C16orf96: variants seen among roughly 807,000 people sequenced by gnomAD.
C16orf96 encodes the protein uncharacterized protein C16orf96.
Under a neutral mutation model 103.6 loss-of-function variants are expected in C16orf96, and 108 were observed. The observed-to-expected ratio is 1.04, with a 90% CI of 0.89 to 1.22. The LOEUF (loss-of-function observed/expected upper bound fraction) is 1.22, where lower values mean the gene tolerates loss of function less well. Ranked by LOEUF, C16orf96 falls within the 50% of genes most tolerant of loss-of-function variation. The pLI is 0.00. For missense variants in C16orf96, 1,586 were observed against 1,464.2 expected (o/e 1.08, Z -1.36); for synonymous variants, 566 against 593.5 (o/e 0.95, Z 0.67).
In C16orf96 at chr16:4,587,105, C is replaced by G. The variant is rs1896944983; in HGVS notation, c.2419C>G (p.Leu807Val). Residue 807 changes from leucine (L) to valine (V), a missense_variant, in exon 8 of 16, where the codon CTG becomes GTG. Leu to Val is a conservative substitution (Grantham distance 32, BLOSUM62 1). Coordinates refer to ENST00000444310, the MANE Select transcript of C16orf96 (RefSeq NM_001145011.2). ...KVNKSTMEEE[L>V]REKADRSALA... is the part of the protein sequence containing the mutation. The stretch of plus-strand genomic sequence containing the variant: ...GAATAAGAGCACGATGGAGGAGGAG[C>G]TGAGAGAGGTGAGTGAGCAGAGGTT... 6.4e-7 allele frequency: 1 copy of G among 1,551,362 alleles called. No homozygotes were observed. Among genetic ancestry groups the G allele is most frequent in the South Asian group, 1.2e-5 (1 of 84,056 alleles).
chr16:4,593,189 C>T lies in C16orf96; in HGVS notation c.2775-35C>T, dbSNP rs774966313. The T allele has an allele frequency of 2.6e-6, 4 of 1,542,696 alleles. No individual in the cohort carries two copies. The South Asian group carries it at 4.8e-5, about 18-fold the overall frequency. On this transcript the variant is annotated intron_variant, in intron 11 of 15. Transcript: ENST00000444310. The surrounding 1 kb of genome is among the most constrained non-coding windows in gnomAD (Gnocchi z 4.2). ...AGCCCTCTGCTGGCCTAGCACGCCT[C>T]CCACAGCCCCTGCTGTGCCCTTGTC...
chr16:4,540,599 C>T, the C16orf96 span, among the ~76,000 whole-genome samples: 5 of 151,888 alleles, frequency 3.3e-5, no homozygotes, highest in South Asian at 2.1e-4. Flanking sequence ...CCGGCATACA[C>T]GCCTGTAATC....
Position 4,576,091 on chromosome 16 carries a change from G to A in C16orf96, c.1611G>A (p.Gly537=), listed in dbSNP as rs994817234. The part of the protein sequence containing the change: ...DVPKDRGGKD[G]DPKDRVGKDG... Reference sequence around the variant, plus strand: ...CCAAAGATAGAGGTGGCAAAGATGGGGACCCCAAGGATAGAGTTGGCAAGG... The same window carrying A: ...CCAAAGATAGAGGTGGCAAAGATGGAGACCCCAAGGATAGAGTTGGCAAGG... Residue 537 remains glycine, a synonymous_variant, in exon 5 of 16, where the codon GGG becomes GGA. Transcript: ENST00000444310. The A allele has an allele frequency of 7.1e-6, 11 of 1,551,398 alleles. No homozygotes were observed. The Admixed American group carries it at 7.8e-5, about 11-fold the overall frequency.
chr16:4,564,055 G>T (rs188495964), intron 1 of C16orf96, among the ~76,000 whole-genome samples: 1 of 151,662 alleles, frequency 6.6e-6, no homozygotes, highest in Non-Finnish European at 1.5e-5. Flanking sequence ...AAAATTAGCT[G>T]CTAGTCGGGA....
Position 4,593,135 on chromosome 16 carries a change from G to A in C16orf96, c.2775-89G>A. ...GAGTCTGCACCTCCTTCCTCCTGCT[G>A]GGAAGGCTTCCTGGAGGGGTGGGAG... On this transcript the variant is annotated intron_variant, in intron 11 of 15. Transcript: ENST00000444310. This position sits in a 1 kb window ranked among gnomAD's most constrained non-coding sequence, Gnocchi z 4.2. 1 of 1,270,244 alleles carries A rather than the reference G, an allele frequency of 7.9e-7. No individual in the cohort carries two copies. Among genetic ancestry groups the A allele is most frequent in the Non-Finnish European group, 1.1e-6 (1 of 897,224 alleles). The allele number at this position is 1,270,244 out of a possible 1,614,324, so 78.7% of individuals were successfully genotyped here. A position where few individuals can be genotyped will look rare whatever the true frequency, so the allele number is the denominator to read the frequency against.
At position 4,576,205 on chromosome 16, in the gene C16orf96, C is replaced by T. The variant is rs1567446712; in HGVS notation, c.1725C>T (p.Ala575=). 6 of 1,550,646 alleles carry T rather than the reference C, an allele frequency of 3.9e-6. No individual in the cohort carries two copies. The highest frequency in any genetic ancestry group is 5.2e-6 in the Non-Finnish European group (6 of 1,146,966). ...CCGCTGCCATCGCCGCCGCTGCCGC[C>T]GCAGCCTACGCCGCTGCCACATCCT... ...KTTAAIAAAA[A]AAYAAATSSA... is the part of the protein sequence containing the mutation. Residue 575 remains alanine (A), a synonymous_variant, in exon 5 of 16, where the codon GCC becomes GCT. Transcript: ENST00000444310.
At chr16:4,582,325 T>TA (rs869304767) in intron 7 of C16orf96, among the ~76,000 whole-genome samples, 48 of 131,382 alleles carry the variant, frequency 3.7e-4, no homozygotes, top group African/African-American at 1.4e-3. Context: ...AATAAATAAA[T>TA]AATAACCCAC....
chr16:4,597,340 C>T (rs1897194420), intron 14 of C16orf96, among the ~76,000 whole-genome samples: 3 of 152,188 alleles, frequency 2.0e-5, no homozygotes, highest in Admixed American at 2.0e-4. Context: ...CAACAACCTG[C>T]CAAGGAGTTT....
intron 1 of C16orf96, among the ~76,000 whole-genome samples, chr16:4,563,898 C>T (rs2059359797): frequency 6.6e-6 from 1 of 151,146 alleles, no homozygotes; most frequent in African/African-American, 2.4e-5. Flanking sequence ...TAACATTTGT[C>T]TTAAGACTAG....
intron 14 of C16orf96, among the ~76,000 whole-genome samples, chr16:4,595,512 G>C (rs1046572088): frequency 3.3e-5 from 5 of 152,206 alleles, no homozygotes; most frequent in South Asian, 2.1e-4. Flanking sequence ...GTCCATCACT[G>C]GGTTCGAAGG....
intron 14 of C16orf96, 31 bp from the exon 15 acceptor site, chr16:4,599,253 C>A (rs1388789796): frequency 6.5e-7 from 1 of 1,543,342 alleles, no homozygotes; most frequent in Non-Finnish European, 8.8e-7. Flanking sequence ...GTGGATGCCA[C>A]CCACACCTGT....
intron 8 of C16orf96, among the ~76,000 whole-genome samples, chr16:4,587,900 C>T (rs1418401945): frequency 6.6e-6 from 1 of 152,180 alleles, no homozygotes; most frequent in Non-Finnish European, 1.5e-5. Context: ...TGTGCCACTG[C>T]AATCCAGCCT....
Position 4,575,733 on chromosome 16 carries a change from C to T in C16orf96, c.1253C>T (p.Pro418Leu), listed in dbSNP as rs1442574570. ...TTAGGTGTCCTGCGGCCAACTCAGC[C>T]CCAACCCTCCAGGGCCCCACCACCA... ...WDLGVLRPTQ[P>L]QPSRAPPPAT... Residue 418 changes from proline to leucine, a missense_variant, in exon 5 of 16, where the codon CCC becomes CTC. Physicochemically the swap from Pro to Leu is moderately conservative, Grantham distance 98. Transcript: ENST00000444310. The T allele has an allele frequency of 6.5e-7, 1 of 1,539,692 alleles. No homozygotes were observed. Among genetic ancestry groups the T allele is most frequent in the Non-Finnish European group, 8.8e-7 (1 of 1,141,582 alleles).
intron 1 of C16orf96, among the ~76,000 whole-genome samples, chr16:4,559,344 A>G (rs1394773200): frequency 1.3e-5 from 2 of 151,956 alleles, no homozygotes; most frequent in Non-Finnish European, 2.9e-5. Flanking sequence ...GGAGTTCGTG[A>G]CCAGCCTGGC....
intron 1 of C16orf96, among the ~76,000 whole-genome samples, chr16:4,566,369 C>T (rs985937782): frequency 2.6e-5 from 4 of 152,166 alleles, no homozygotes; most frequent in African/African-American, 9.7e-5. Flanking sequence ...TCTGACCATC[C>T]TACAGAGTTT....
At chr16:4,596,197 G>A (rs961515699) in intron 14 of C16orf96, among the ~76,000 whole-genome samples, 7 of 152,054 alleles carry the variant, frequency 4.6e-5, no homozygotes, top group East Asian at 1.9e-4. Context: ...GTAGCACGCC[G>A]TCCCATTGGC....
In C16orf96 at chr16:4,556,663, G is replaced by T. The variant is rs992111841; in HGVS notation, c.174G>T (p.Val58=). 1.4e-5 allele frequency: 22 copies of T among 1,551,462 alleles called. No homozygotes were observed. Among genetic ancestry groups the T allele is most frequent in the Non-Finnish European group, 1.9e-5 (22 of 1,146,864 alleles). The change falls in exon 1 of 16, where the codon GTG becomes GTT. Residue 58 remains valine, a synonymous_variant. Transcript: ENST00000444310. ...GDEDFLQTSQ[V]VIMPREGDAQ... is the part of the protein sequence containing the mutation. ...AGGACTTCCTGCAGACCTCGCAGGT[G>T]GTCATCATGCCCAGGGAAGGAGACG...
At chr16:4,545,882 C>G in the C16orf96 span, among the ~76,000 whole-genome samples, 81,965 of 151,882 alleles carry the variant, frequency 0.54, 26,076 homozygotes, top group Non-Finnish European at 0.7. Context: ...CAGAATCTCG[C>G]TCTGTTGCCC....
At chr16:4,582,589 G>A (rs1016188011) in intron 7 of C16orf96, among the ~76,000 whole-genome samples, 3 of 152,104 alleles carry the variant, frequency 2.0e-5, no homozygotes, top group African/African-American at 7.2e-5. Context: ...GGCCGAGTGT[G>A]GGTGGACTGC....
Sources: gnomAD v4.1 joint callset for allele counts (sites outside exome capture counted in the v4.1 genomes callset) on GRCh38, gnomAD v4.1.1 for gene constraint, Gnocchi (gnomAD v3.1) non-coding constraint, MANE v1.5 for transcripts, NCBI Gene and HGNC (gene_info 2026-07-23, HGNC 2026-07-21) for gene names.